Variants in CCDC179 observed in about 807,000 individuals in gnomAD.
The protein encoded by CCDC179 is coiled-coil domain containing 179.
Under a neutral mutation model 12.0 loss-of-function variants are expected in CCDC179, and 17 were observed. The observed-to-expected ratio is 1.42, with a 90% CI of 0.97 to 2.13. CCDC179 has a LOEUF of 2.13. Ranked by LOEUF, CCDC179 falls within the 30% of genes most tolerant of loss-of-function variation. The probability of loss-of-function intolerance (pLI) is 0.00; values close to 1 mark genes in which losing one functional copy is unlikely to be tolerated. For missense variants in CCDC179, 83 were observed against 78.6 expected (o/e 1.06, Z -0.21); for synonymous variants, 27 against 26.4 (o/e 1.02, Z -0.07).
At chr11:22,856,710 T>G (rs968362244) in intron 3 of CCDC179, among the ~76,000 whole-genome samples, 4 of 151,534 alleles carry the variant, frequency 2.6e-5, no homozygotes, top group East Asian at 1.9e-4. Context: ...AAGAAAGAAA[T>G]AAATTGTTCT....
intron 1 of CCDC179, among the ~76,000 whole-genome samples, chr11:22,859,932 G>A (rs545177093): frequency 1.8e-4 from 27 of 152,278 alleles, no homozygotes; most frequent in African/African-American, 6.0e-4. Flanking sequence ...TGAAGCACAG[G>A]GAGCTTGGCT....
chr11:22,853,975 A>C (rs1457237000), intron 3 of CCDC179, among the ~76,000 whole-genome samples: 1 of 152,004 alleles, frequency 6.6e-6, no homozygotes, highest in Non-Finnish European at 1.5e-5. Context: ...CTTAAATAGG[A>C]ACATGAATAA....
chr11:22,858,082 A>C (rs898811966), intron 2 of CCDC179, 56 bp from the exon 3 acceptor site: 1 of 1,111,758 alleles, frequency 9.0e-7, no homozygotes, highest in Non-Finnish European at 1.2e-6. Flanking sequence ...ATATAAAGGT[A>C]ACATTCTGAT....
chr11:22,858,599 T>G (rs929541578), intron 2 of CCDC179, among the ~76,000 whole-genome samples: 3 of 152,034 alleles, frequency 2.0e-5, no homozygotes, highest in Non-Finnish European at 4.4e-5. Context: ...GAAAACCAAC[T>G]TTTTAAAAAA....
rs2134820356 is a variant in CCDC179, at chr11:22,847,167, C to T, written c.*343G>A. 1 of 171,398 alleles carries T rather than the reference C, an allele frequency of 5.8e-6. No individual in the cohort carries two copies. The highest frequency in any genetic ancestry group is 1.5e-4 in the East Asian group (1 of 6,616). The allele number at this position is 171,398 out of a possible 1,614,324, so 10.6% of individuals were successfully genotyped here. Reference sequence around the variant, plus strand: ...GAAATCTGGTGTTCTATTATTATAACATACTTCTAAACATCTAAATATGTC... The same window carrying T: ...GAAATCTGGTGTTCTATTATTATAATATACTTCTAAACATCTAAATATGTC... On this transcript the variant is annotated 3_prime_UTR_variant, in exon 4 of 4. Transcript: ENST00000532798.
intron 3 of CCDC179, 38 bp from the exon 4 acceptor site, chr11:22,847,559 A>C (rs1483436621): frequency 1.0e-5 from 12 of 1,168,630 alleles, no homozygotes; most frequent in Non-Finnish European, 1.4e-5. Context: ...TAAGAAATTT[A>C]ATTAAAATTT....
At chr11:22,852,129 G>C (rs1232389333) in intron 3 of CCDC179, among the ~76,000 whole-genome samples, 2 of 152,120 alleles carry the variant, frequency 1.3e-5, no homozygotes, top group African/African-American at 4.8e-5. Context: ...ACCTAACAGG[G>C]ATGATAGCAA....
intron 3 of CCDC179, among the ~76,000 whole-genome samples, chr11:22,854,581 T>C (rs1564916245): frequency 2.0e-5 from 3 of 151,728 alleles, no homozygotes; most frequent in Admixed American, 1.3e-4. Context: ...GCAAGTATAA[T>C]TGACATGCTA....
chr11:22,851,045 G>C (rs1256634289), intron 3 of CCDC179, among the ~76,000 whole-genome samples: 14 of 130,132 alleles, frequency 1.1e-4, no homozygotes, highest in African/African-American at 4.1e-4. Flanking sequence ...GAGTGCAGTG[G>C]TGCTATCTTG....
At chr11:22,849,496 G>A (rs1019092269) in intron 3 of CCDC179, among the ~76,000 whole-genome samples, 6 of 152,102 alleles carry the variant, frequency 3.9e-5, no homozygotes, top group Non-Finnish European at 8.8e-5. Context: ...AAAAAAGGGG[G>A]AGCTTTTTTC....
rs1858634830 is a variant in CCDC179 at position 22,860,413 on chromosome 11, C to G, written c.9G>C (p.Leu3=). 6.5e-7 allele frequency: 1 copy of G among 1,535,342 alleles called. No individual in the cohort carries two copies. Among genetic ancestry groups the G allele is most frequent in the African/African-American group, 1.4e-5 (1 of 73,024 alleles). ...GGGAAGGCTCGATGTCCCAGCAATACAGGCACATGCCGTGGAGCCTTAGGG... is the reference window on the plus strand; with the variant it reads ...GGGAAGGCTCGATGTCCCAGCAATAGAGGCACATGCCGTGGAGCCTTAGGG... MC[L]YCWDIEPSQV... The change falls in exon 1 of 4, where the codon CTG becomes CTC. Residue 3 remains leucine (L), a synonymous_variant. Coordinates refer to ENST00000532798, the MANE Select transcript of CCDC179 (RefSeq NM_001195637.2).
chr11:22,860,344 C>T, intron 1 of CCDC179, 33 bp downstream of exon 1: 1 of 1,533,938 alleles, frequency 6.5e-7, no homozygotes, highest in Non-Finnish European at 8.7e-7. Context: ...GACAGAGTGG[C>T]AGAGTTGAGG....
intron 3 of CCDC179, among the ~76,000 whole-genome samples, chr11:22,856,622 C>A (rs1327632448): frequency 6.6e-6 from 1 of 151,464 alleles, no homozygotes; most frequent in Non-Finnish European, 1.5e-5. Context: ...TACCTTCTCA[C>A]TTCTGTTCAA....
chr11:22,857,803 T>A (rs1858562210), intron 3 of CCDC179, 119 bp downstream of exon 3: 1 of 480,632 alleles, frequency 2.1e-6, no homozygotes, highest in East Asian at 3.4e-5. Context: ...AGACTGAAAT[T>A]AGAAATTTCT....
At chr11:22,859,291 G>C (rs897091773) in intron 2 of CCDC179, among the ~76,000 whole-genome samples, 161 bp downstream of exon 2, 2 of 152,068 alleles carry the variant, frequency 1.3e-5, no homozygotes, top group African/African-American at 4.8e-5. Context: ...CCCTAGTTAA[G>C]ACCCATTCCA....
intron 1 of CCDC179, 131 bp from the exon 2 acceptor site, chr11:22,859,627 G>A: frequency 2.1e-6 from 1 of 470,792 alleles, no homozygotes; most frequent in Non-Finnish European, 3.4e-6. Context: ...ACTATAAGAA[G>A]CAGGTTAAAA....
At chr11:22,847,833 G>A (rs1011604363) in intron 3 of CCDC179, among the ~76,000 whole-genome samples, 25 of 152,096 alleles carry the variant, frequency 1.6e-4, no homozygotes, top group Admixed American at 1.4e-3. Context: ...TAGAAACCCT[G>A]GATATCAGTT....
In CCDC179 at chr11:22,849,701, A is replaced by G. The variant is rs563131664; in HGVS notation, c.196-2180T>C. ...TCCCCATGTGTCTCGAAAGTCCATT[A>G]TATCATTCTTATGCCTTTGCAACCT... is the stretch of plus-strand genomic sequence containing the variant. On this transcript the variant is annotated intron_variant, in intron 3 of 3. Coordinates refer to ENST00000532798, the MANE Select transcript of CCDC179 (RefSeq NM_001195637.2). 2.6e-5 allele frequency among the ~76,000 whole-genome samples: 4 copies of G among 152,168 alleles called. No homozygotes were observed. The East Asian group carries it at 7.7e-4, about 29-fold the overall frequency.
In CCDC179 at chr11:22,857,909, C is replaced by T; in HGVS notation, c.195+13G>A. ...TAATGATCTGTTAATTTCAGTGAAACCTCTATACTTACTAGGAGTCCTGGT... is the reference window on the plus strand; with the variant it reads ...TAATGATCTGTTAATTTCAGTGAAATCTCTATACTTACTAGGAGTCCTGGT... On this transcript the variant is annotated intron_variant, in intron 3 of 3. Coordinates refer to ENST00000532798, the MANE Select transcript of CCDC179 (RefSeq NM_001195637.2). 19 of 1,345,764 alleles carry T rather than the reference C, an allele frequency of 1.4e-5. No homozygotes were observed. Among genetic ancestry groups the T allele is most frequent in the Non-Finnish European group, 1.9e-5 (19 of 993,272 alleles). 83.4% of individuals were successfully genotyped at this position (1,345,764 alleles called of 1,614,324 possible).
Sources: gnomAD v4.1 joint callset for allele counts (sites outside exome capture counted in the v4.1 genomes callset) on GRCh38, gnomAD v4.1.1 for gene constraint, MANE v1.5 for transcripts, NCBI Gene and HGNC (gene_info 2026-07-23, HGNC 2026-07-21) for gene names.